MRTFA: variants seen among roughly 807,000 people sequenced by gnomAD.
MRTFA encodes the protein myocardin related transcription factor A, also known as myocardin-related transcription factor A.
MRTFA carries 20 observed loss-of-function variants against 83.5 expected under a neutral mutation model. The observed-to-expected ratio is 0.24, with a 90% CI of 0.17 to 0.35. The LOEUF is 0.35. Among genes scored for constraint, MRTFA ranks in the 10% least tolerant of loss-of-function variants. The pLI, the probability that MRTFA is intolerant of heterozygous loss-of-function variation, is 1.00. For missense variants in MRTFA, 1,200 were observed against 1,224.7 expected, an observed-to-expected ratio of 0.98 and a Z score of 0.30; for synonymous variants, 659 against 541.2, an observed-to-expected ratio of 1.22 and a Z score of -3.02.
chr22:40,505,050 TAAAAC>T (rs1262712210), intron 3 of MRTFA, among the ~76,000 whole-genome samples: 1 of 152,164 alleles, frequency 6.6e-6, no homozygotes, highest in African/African-American at 2.4e-5. Context: ...GGCCACAAAA[TAAAAC>T]AGAGCTCTAT....
At chr22:40,498,273 ATTTTTTTTTTTTT>A (rs1189933906) in intron 3 of MRTFA, among the ~76,000 whole-genome samples, 8 of 40,980 alleles carry the variant, frequency 2.0e-4, no homozygotes, top group Admixed American at 3.3e-4. Context: ...ATATATATAT[ATTTTTTTTTTTTT>A]TTTTTTTTTT....
intron 5 of MRTFA, among the ~76,000 whole-genome samples, chr22:40,434,620 G>C (rs1236822356): frequency 6.6e-6 from 1 of 152,166 alleles, no homozygotes; most frequent in Non-Finnish European, 1.5e-5. Context: ...TACTTGGGAG[G>C]CTGAGGCAGG....
At chr22:40,597,688 C>T (rs1194067101) in intron 1 of MRTFA, among the ~76,000 whole-genome samples, 1 of 152,190 alleles carries the variant, frequency 6.6e-6, no homozygotes, top group African/African-American at 2.4e-5. Flanking sequence ...GCCAAAGGAG[C>T]AAACCCTCTC....
At chr22:40,433,922 G>A (rs2053118208) in intron 5 of MRTFA, among the ~76,000 whole-genome samples, 1 of 152,158 alleles carries the variant, frequency 6.6e-6, no homozygotes, top group Non-Finnish European at 1.5e-5. Context: ...CCATGTGTTA[G>A]GAAATAAAAT....
chr22:40,556,309 GA>G (rs1349863734), intron 2 of MRTFA, among the ~76,000 whole-genome samples: 1 of 152,112 alleles, frequency 6.6e-6, no homozygotes, highest in African/African-American at 2.4e-5. Context: ...AAAGGCACTA[GA>G]AACTAAAAAG....
chr22:40,525,405 C>T (rs745977254), intron 3 of MRTFA, among the ~76,000 whole-genome samples: 6 of 151,904 alleles, frequency 3.9e-5, no homozygotes, highest in Non-Finnish European at 8.8e-5. Context: ...AGGAAGCTGT[C>T]GGGGAGGTTT....
intron 1 of MRTFA, among the ~76,000 whole-genome samples, chr22:40,618,867 G>A (rs986992803): frequency 7.9e-5 from 12 of 151,742 alleles, no homozygotes; most frequent in African/African-American, 2.4e-4. Flanking sequence ...GGTGGCTGGG[G>A]TGGGAGAATC....
At chr22:40,508,941 C>G (rs2054625398) in intron 3 of MRTFA, among the ~76,000 whole-genome samples, 1 of 152,024 alleles carries the variant, frequency 6.6e-6, no homozygotes, top group Admixed American at 6.6e-5. Flanking sequence ...ACAGCTCAAC[C>G]CTCAAACATC....
At chr22:40,536,391 C>G (rs558627263) in intron 3 of MRTFA, among the ~76,000 whole-genome samples, 1 of 151,138 alleles carries the variant, frequency 6.6e-6, no homozygotes, top group African/African-American at 2.4e-5. Context: ...CAGTCTTTGC[C>G]GCGGCGCCGG....
chr22:40,502,831 C>A (rs1425389908), intron 3 of MRTFA, among the ~76,000 whole-genome samples: 2 of 152,202 alleles, frequency 1.3e-5, no homozygotes. Context: ...ATCCTCCCCC[C>A]ATATTGCTTT....
chr22:40,495,159 A>G (rs1482298650), intron 3 of MRTFA, among the ~76,000 whole-genome samples: 1 of 151,964 alleles, frequency 6.6e-6, no homozygotes, highest in African/African-American at 2.4e-5. Context: ...GGATTGCTTG[A>G]GCCCAGGAGT....
rs939112075 is a variant in MRTFA at position 40,417,170 on chromosome 22, C to T, written c.2518-124G>A. On this transcript the variant is annotated intron_variant, in intron 13 of 14. Coordinates refer to ENST00000355630, the MANE Select transcript of MRTFA (RefSeq NM_020831.6). Reference sequence around the variant, plus strand: ...CAGCCAGATCCACAGGACCCATGGGCGTGCCCGGACTCCTGGAGCCCGTCC... The same window carrying T: ...CAGCCAGATCCACAGGACCCATGGGTGTGCCCGGACTCCTGGAGCCCGTCC... The T allele has an allele frequency of 5.5e-5, 75 of 1,352,494 alleles. No individual in the cohort carries two copies. In the Middle Eastern group the frequency reaches 8.0e-4, roughly 14 times the overall value. The allele number at this position is 1,352,494 out of a possible 1,614,324, so 83.8% of individuals were successfully genotyped here. A position where few individuals can be genotyped will look rare whatever the true frequency, so the allele number is the denominator to read the frequency against.
intron 3 of MRTFA, among the ~76,000 whole-genome samples, chr22:40,502,116 C>A (rs1160445652): frequency 8.0e-5 from 11 of 138,264 alleles, no homozygotes; most frequent in African/African-American, 1.9e-4. Flanking sequence ...CGGGCAGAGG[C>A]GCCCCTCACC....
intron 3 of MRTFA, among the ~76,000 whole-genome samples, chr22:40,525,140 T>C (rs1033849897): frequency 6.6e-6 from 1 of 152,050 alleles, no homozygotes; most frequent in African/African-American, 2.4e-5. Flanking sequence ...ACAAAAGAAA[T>C]GTATGCTCAT....
chr22:40,429,561 T>G (rs1308946078), intron 7 of MRTFA, 45 bp downstream of exon 7: 1 of 1,612,534 alleles, frequency 6.2e-7, no homozygotes, highest in South Asian at 1.1e-5. Context: ...CCTCCCCTCC[T>G]GCATCTCAGC....
intron 2 of MRTFA, among the ~76,000 whole-genome samples, chr22:40,566,137 G>A (rs908916410): frequency 3.9e-5 from 6 of 152,106 alleles, no homozygotes; most frequent in African/African-American, 9.7e-5. Context: ...GGCATGGCCC[G>A]AGAGGAATGG....
intron 8 of MRTFA, 90 bp from the exon 9 acceptor site, chr22:40,423,775 C>T: frequency 8.1e-7 from 1 of 1,230,150 alleles, no homozygotes; most frequent in Non-Finnish European, 1.1e-6. Context: ...CCTCAGACGC[C>T]ACCATTGTCA....
chr22:40,479,902 T>C (rs1482221343), intron 3 of MRTFA, among the ~76,000 whole-genome samples: 2 of 152,178 alleles, frequency 1.3e-5, no homozygotes, highest in Non-Finnish European at 2.9e-5. Flanking sequence ...ATTAATGAAG[T>C]AGGTTCCTGG....
chr22:40,598,729 A>G (rs73169059), intron 1 of MRTFA, among the ~76,000 whole-genome samples: 3 of 152,128 alleles, frequency 2.0e-5, no homozygotes, highest in Non-Finnish European at 4.4e-5. Context: ...ACAGTGGCTC[A>G]CACCTGTAAT....
Sources: allele counts gnomAD v4.1 joint callset (sites outside exome capture counted in the v4.1 genomes callset), GRCh38; gene constraint gnomAD v4.1.1; transcripts MANE v1.5; gene names NCBI Gene and HGNC (gene_info 2026-07-23, HGNC 2026-07-21).